Variants in POLR2L observed in about 807,000 individuals in gnomAD.
POLR2L encodes RNA polymerase II, I and III subunit L.
In POLR2L, 7 loss-of-function variants were observed where a neutral mutation model predicts 6.8. That is an observed-to-expected ratio of 1.03 (90% CI 0.59 to 1.94). The LOEUF (loss-of-function observed/expected upper bound fraction) is 1.94. Among genes scored for constraint, POLR2L ranks in the 30% most tolerant of loss-of-function variants. The pLI, the probability that POLR2L is intolerant of heterozygous loss-of-function variation, is 0.00. For missense variants in POLR2L, 93 were observed against 86.7 expected, an observed-to-expected ratio of 1.07 and a Z score of -0.29; for synonymous variants, 59 against 39.8, an observed-to-expected ratio of 1.48 and a Z score of -1.82.
intron 1 of POLR2L, among the ~76,000 whole-genome samples, chr11:841,132 G>T (rs1347602968): frequency 6.6e-6 from 1 of 152,196 alleles, no homozygotes; most frequent in Non-Finnish European, 1.5e-5. Context: ...CACATGGGAG[G>T]CCCCTGCCGT....
At chr11:842,202 G>T (rs958435100) in intron 1 of POLR2L, among the ~76,000 whole-genome samples, 1 of 152,214 alleles carries the variant, frequency 6.6e-6, no homozygotes, top group Non-Finnish European at 1.5e-5. Context: ...GCCCAACTCC[G>T]TTCTCTTCCC....
intron 1 of POLR2L, 102 bp from the exon 2 acceptor site, chr11:840,582 C>CG (rs1846938622): frequency 1.4e-6 from 1 of 729,180 alleles, no homozygotes; most frequent in South Asian, 1.5e-5. Flanking sequence ...GGCCTCACCC[C>CG]CCCCGCCACC....
chr11:840,105 A>C lies in POLR2L; in HGVS notation c.*267T>G. Reference sequence around the variant, plus strand: ...TGTGGAACAGGCTGGCCCCAGGGCTAGGAGAGTTCATGGCCCAGTCTGCTT... The same window carrying C: ...TGTGGAACAGGCTGGCCCCAGGGCTCGGAGAGTTCATGGCCCAGTCTGCTT... On this transcript the variant is annotated 3_prime_UTR_variant, in exon 2 of 2. Transcript: ENST00000322028. 1 of 389,046 alleles carries C rather than the reference A, an allele frequency of 2.6e-6. No individual in the cohort carries two copies. Among genetic ancestry groups the C allele is most frequent in the Non-Finnish European group, 4.7e-6 (1 of 214,556 alleles). The allele number at this position is 389,046 out of a possible 1,614,324, so 24.1% of individuals were successfully genotyped here.
intron 1 of POLR2L, 82 bp downstream of exon 1, chr11:842,332 C>T: frequency 1.0e-6 from 1 of 963,494 alleles, no homozygotes; most frequent in Non-Finnish European, 1.4e-6. Flanking sequence ...CGCCCCGGCG[C>T]GCACCCCAGG....
chr11:841,690 G>A (rs915297953), intron 1 of POLR2L, among the ~76,000 whole-genome samples: 1 of 152,202 alleles, frequency 6.6e-6, no homozygotes, highest in South Asian at 2.1e-4. Flanking sequence ...CCTGAGGTCA[G>A]GAGTTCCAGA....
intron 1 of POLR2L, among the ~76,000 whole-genome samples, chr11:841,681 C>A (rs1296067675): frequency 6.6e-6 from 1 of 152,190 alleles, no homozygotes; most frequent in Non-Finnish European, 1.5e-5. Context: ...GGTGGATCAC[C>A]TGAGGTCAGG....
At position 840,275 on chromosome 11, in the gene POLR2L, G is replaced by A. The variant is rs1297211835; in HGVS notation, c.*97C>T. 1.3e-6 allele frequency: 1 copy of A among 747,230 alleles called. No individual in the cohort carries two copies. The highest frequency in any genetic ancestry group is 2.3e-6 in the Non-Finnish European group (1 of 430,446). The allele number at this position is 747,230 out of a possible 1,614,324, so 46.3% of individuals were successfully genotyped here. A position where few individuals can be genotyped will look rare whatever the true frequency, so the allele number is the denominator to read the frequency against. On this transcript the variant is annotated 3_prime_UTR_variant, in exon 2 of 2. Transcript: ENST00000322028. ...TCGGATACACACACACTGCGGCCAGGCATTACGCCAGCTCCCGGATGCCTC... is the reference window on the plus strand; with the variant it reads ...TCGGATACACACACACTGCGGCCAGACATTACGCCAGCTCCCGGATGCCTC...
At chr11:840,929 G>A (rs888331283) in intron 1 of POLR2L, among the ~76,000 whole-genome samples, 1 of 152,112 alleles carries the variant, frequency 6.6e-6, no homozygotes, top group Admixed American at 6.5e-5. Flanking sequence ...CCGCTGTGGG[G>A]TCTTTCCTCA....
intron 1 of POLR2L, among the ~76,000 whole-genome samples, 182 bp downstream of exon 1, chr11:842,232 T>C (rs1846991244): frequency 6.6e-6 from 1 of 152,150 alleles, no homozygotes; most frequent in South Asian, 2.1e-4. Context: ...GGGGATAAGG[T>C]TCTCCCGAAA....
rs200208108 is a variant in POLR2L at position 840,333 on chromosome 11, C to T, written c.*39G>A. On this transcript the variant is annotated 3_prime_UTR_variant, in exon 2 of 2. Transcript: ENST00000322028. ...TGAATTCGGGGCAGGACGCTCAGGG[C>T]CCATGGTCAGCACAGCGGGTGGGTG... 1.9e-5 allele frequency: 25 copies of T among 1,337,626 alleles called. No homozygotes were observed. The Admixed American group carries it at 3.9e-4, about 21-fold the overall frequency. 82.9% of individuals were successfully genotyped at this position (1,337,626 alleles called of 1,614,324 possible). A position where few individuals can be genotyped will look rare whatever the true frequency, so the allele number is the denominator to read the frequency against.
chr11:842,393 T>C (rs1846999113), intron 1 of POLR2L, 21 bp downstream of exon 1: 2 of 1,546,628 alleles, frequency 1.3e-6, no homozygotes, highest in Non-Finnish European at 1.7e-6. Context: ...ACTCAGCCCC[T>C]AGCCCCGGCC....
Position 839,965 on chromosome 11 carries a change from C to T in POLR2L, c.*407G>A, listed in dbSNP as rs561883379. Reference sequence around the variant, plus strand: ...GGCCTAAATCTGGCTCTTCAGATTCCGAGAGAGAGGGTACAGGAGCCTCTC... The same window carrying T: ...GGCCTAAATCTGGCTCTTCAGATTCTGAGAGAGAGGGTACAGGAGCCTCTC... On this transcript the variant is annotated 3_prime_UTR_variant, in exon 2 of 2. Coordinates refer to ENST00000322028, the MANE Select transcript of POLR2L (RefSeq NM_021128.5). 9.3e-5 allele frequency: 15 copies of T among 161,014 alleles called. No homozygotes were observed. In the South Asian group the frequency reaches 1.3e-3, roughly 14 times the overall value. 10.0% of individuals were successfully genotyped at this position (161,014 alleles called of 1,614,324 possible).
chr11:840,194 G>A lies in POLR2L; in HGVS notation c.*178C>T. 1.7e-6 allele frequency: 1 copy of A among 576,616 alleles called. No individual in the cohort carries two copies. Among genetic ancestry groups the A allele is most frequent in the Non-Finnish European group, 3.1e-6 (1 of 325,800 alleles). The allele number at this position is 576,616 out of a possible 1,614,324, so 35.7% of individuals were successfully genotyped here. On this transcript the variant is annotated 3_prime_UTR_variant, in exon 2 of 2. Coordinates refer to ENST00000322028, the MANE Select transcript of POLR2L (RefSeq NM_021128.5). ...GGCTCCTGACATCCTAGTGAGGGCT[G>A]GGACCTTAGTGGTTCTGAAAGACCT...
In POLR2L at chr11:840,037, C is replaced by G. The variant is rs1378355165; in HGVS notation, c.*335G>C. 4.4e-6 allele frequency: 1 copy of G among 226,792 alleles called. No homozygotes were observed. The highest frequency in any genetic ancestry group is 8.7e-6 in the Non-Finnish European group (1 of 114,858). The allele number at this position is 226,792 out of a possible 1,614,324, so 14.0% of individuals were successfully genotyped here. A position where few individuals can be genotyped will look rare whatever the true frequency, so the allele number is the denominator to read the frequency against. ...AGAAGGAGGGAACCTCAAAGAGCCC[C>G]GAGATGGAAGGCTCTCCTGGCAGCG... On this transcript the variant is annotated 3_prime_UTR_variant, in exon 2 of 2. Transcript: ENST00000322028.
chr11:842,417 T>C lies in POLR2L; in HGVS notation c.92A>G (p.Glu31Gly). ...YLGLLQAEYT[E>G]GDALDALGLK... ...CTAGCCCCGGCCCGCGCCTCACCCC[T>C]CGGTGTACTCGGCCTGCAGCAGCCC... The change falls in exon 1 of 2, where the codon GAG becomes GGG. Residue 31 changes from glutamate to glycine, a missense_variant. Physicochemically the swap from Glu to Gly is moderately conservative, Grantham distance 98 (BLOSUM62 -2). Transcript: ENST00000322028. 2 of 1,583,818 alleles carry C rather than the reference T, an allele frequency of 1.3e-6. No homozygotes were observed. Among genetic ancestry groups the C allele is most frequent in the Non-Finnish European group, 1.7e-6 (2 of 1,167,862 alleles).
At position 839,767 on chromosome 11, in the gene POLR2L, C is replaced by CCT. The variant is rs76892054; in HGVS notation, c.*604_*605insAG. 0.65 allele frequency: 99,150 copies of CCT among 152,066 alleles called. 33,093 individuals carry two copies. The highest frequency in any genetic ancestry group is 0.87 in the East Asian group (4,525 of 5,186). The allele number at this position is 152,066 out of a possible 1,614,324, so 9.4% of individuals were successfully genotyped here. On this transcript the variant is annotated 3_prime_UTR_variant, in exon 2 of 2. Transcript: ENST00000322028. ...TCCAGTGATCCTCCTGCCTCAGCCC[C>CCT]GAGTGGCCGGGACTACAGGTGTGAA...
chr11:841,419 C>A (rs1052558060), intron 1 of POLR2L, among the ~76,000 whole-genome samples: 1 of 152,156 alleles, frequency 6.6e-6, no homozygotes, highest in Non-Finnish European at 1.5e-5. Context: ...GCAAGTCTAC[C>A]CTGCATTTCT....
At chr11:841,967 C>G (rs934185564) in intron 1 of POLR2L, among the ~76,000 whole-genome samples, 1 of 152,226 alleles carries the variant, frequency 6.6e-6, no homozygotes, top group Non-Finnish European at 1.5e-5. Context: ...AGGCTGGTCT[C>G]GACCTCCTGG....
chr11:840,275 G>T lies in POLR2L; in HGVS notation c.*97C>A. On this transcript the variant is annotated 3_prime_UTR_variant, in exon 2 of 2. Transcript: ENST00000322028. ...TCGGATACACACACACTGCGGCCAG[G>T]CATTACGCCAGCTCCCGGATGCCTC... 1 of 747,230 alleles carries T rather than the reference G, an allele frequency of 1.3e-6. No homozygotes were observed. Among genetic ancestry groups the T allele is most frequent in the Non-Finnish European group, 2.3e-6 (1 of 430,446 alleles). The allele number at this position is 747,230 out of a possible 1,614,324, so 46.3% of individuals were successfully genotyped here.
Sources: allele counts gnomAD v4.1 joint callset (sites outside exome capture counted in the v4.1 genomes callset), GRCh38; gene constraint gnomAD v4.1.1; transcripts MANE v1.5; gene names NCBI Gene and HGNC (gene_info 2026-07-23, HGNC 2026-07-21).